Variants in NRG1 observed in about 807,000 individuals in gnomAD.
NRG1 encodes pro-neuregulin-1, membrane-bound isoform.
In NRG1, 18 loss-of-function variants were observed where a neutral mutation model predicts 63.8. That is an observed-to-expected ratio of 0.28 (90% confidence interval 0.19 to 0.42). The LOEUF (loss-of-function observed/expected upper bound fraction) is 0.42, where lower values mean the gene tolerates loss of function less well. Among genes scored for constraint, NRG1 ranks in the 10% least tolerant of loss-of-function variants. The probability of loss-of-function intolerance (pLI) is 1.00; values close to 1 mark genes in which losing one functional copy is unlikely to be tolerated. For synonymous variants in NRG1, 302 were observed against 301.3 expected, an observed-to-expected ratio of 1.00 and a Z score of -0.02; for missense variants, 762 against 814.7, an observed-to-expected ratio of 0.94 and a Z score of 0.79.
upstream of NRG1, among the ~76,000 whole-genome samples, chr8:32,544,140 G>A (rs1464422529): frequency 2.0e-5 from 3 of 152,098 alleles, no homozygotes; most frequent in African/African-American, 4.8e-5. Context: ...CAATTGTCAA[G>A]TACCATTGCT....
chr8:31,809,753 T>G (rs1159794422), intron 1 of NRG1, among the ~76,000 whole-genome samples: 1 of 149,170 alleles, frequency 6.7e-6, no homozygotes, highest in Non-Finnish European at 1.5e-5. Flanking sequence ...TTTTTTTTTT[T>G]TTTTTTTTTG....
chr8:32,522,467 T>C (rs1830431484), intron 1 of NRG1, among the ~76,000 whole-genome samples: 2 of 152,218 alleles, frequency 1.3e-5, no homozygotes, highest in Middle Eastern at 3.2e-3. Flanking sequence ...GCCTCACCTT[T>C]CTTCTTCCTG....
intron 1 of NRG1, among the ~76,000 whole-genome samples, chr8:32,329,596 C>T (rs570220640): frequency 4.6e-5 from 7 of 152,180 alleles, no homozygotes; most frequent in South Asian, 4.1e-4. Flanking sequence ...AGTCCTGGTT[C>T]GTCACTGCTG....
intron 1 of NRG1, among the ~76,000 whole-genome samples, chr8:31,845,544 G>C (rs1013347820): frequency 2.0e-5 from 3 of 152,118 alleles, no homozygotes; most frequent in African/African-American, 7.2e-5. Context: ...AGGTGAAAAT[G>C]CTCTTTTTGT....
At chr8:32,627,929 T>A (rs908319396) in intron 5 of NRG1, among the ~76,000 whole-genome samples, 13 of 152,198 alleles carry the variant, frequency 8.5e-5, no homozygotes, top group African/African-American at 3.1e-4. Flanking sequence ...AAAATAAAAT[T>A]CTGCATGACA....
At chr8:32,353,887 A>G (rs1805980621) in intron 1 of NRG1, among the ~76,000 whole-genome samples, 1 of 152,232 alleles carries the variant, frequency 6.6e-6, no homozygotes, top group Non-Finnish European at 1.5e-5. Flanking sequence ...TAACAGCTTT[A>G]TCTGTAACAG....
intron 1 of NRG1, among the ~76,000 whole-genome samples, chr8:31,852,324 C>T (rs1474221076): frequency 1.3e-5 from 2 of 149,920 alleles, no homozygotes; most frequent in Non-Finnish European, 3.0e-5. Flanking sequence ...GATGGTATCT[C>T]ATTGTGGTTT....
At chr8:31,720,501 T>G (rs1343326198) in intron 1 of NRG1, among the ~76,000 whole-genome samples, 1 of 152,170 alleles carries the variant, frequency 6.6e-6, no homozygotes, top group East Asian at 1.9e-4. Context: ...TGTGTGTTGT[T>G]TTGACAGACC....
intron 1 of NRG1, among the ~76,000 whole-genome samples, chr8:32,323,386 G>GA (rs1185891289): frequency 6.6e-6 from 1 of 151,902 alleles, no homozygotes; most frequent in Non-Finnish European, 1.5e-5. Context: ...GCTTCTTTTG[G>GA]AAAAAAATAA....
chr8:32,075,861 C>T (rs905726813), intron 1 of NRG1, among the ~76,000 whole-genome samples: 1 of 152,122 alleles, frequency 6.6e-6, no homozygotes, highest in African/African-American at 2.4e-5. Flanking sequence ...ATAGTAGAGA[C>T]GGGGTTTCGC....
chr8:32,430,265 T>G (rs1817958021), intron 1 of NRG1, among the ~76,000 whole-genome samples: 1 of 152,216 alleles, frequency 6.6e-6, no homozygotes, highest in Non-Finnish European at 1.5e-5. Context: ...CTGGATTCCT[T>G]AAATATAGAA....
chr8:32,236,783 T>C (rs1224725745), intron 1 of NRG1, among the ~76,000 whole-genome samples: 1 of 152,160 alleles, frequency 6.6e-6, no homozygotes, highest in African/African-American at 2.4e-5. Context: ...GGAATCACAG[T>C]TAACCTGAAG....
At chr8:32,102,809 G>A (rs1405706665) in intron 1 of NRG1, among the ~76,000 whole-genome samples, 2 of 152,034 alleles carry the variant, frequency 1.3e-5, no homozygotes, top group Admixed American at 1.3e-4. Context: ...ATTAGTGGGA[G>A]TAATAGCATT....
intron 1 of NRG1, among the ~76,000 whole-genome samples, chr8:32,355,331 C>T (rs1020436357): frequency 5.9e-5 from 9 of 151,980 alleles, no homozygotes; most frequent in African/African-American, 2.2e-4. Context: ...TGGTGGTGTG[C>T]ACCTGTAGTC....
In NRG1 at chr8:32,523,405, A is replaced by G. The variant is rs149565846; in HGVS notation, c.38-72423A>G. ...TAGGGAAAATATATTTTTCATAAAAACTAGGTTATTTATATTACTATTTAA... is the reference window on the plus strand; with the variant it reads ...TAGGGAAAATATATTTTTCATAAAAGCTAGGTTATTTATATTACTATTTAA... On this transcript the variant is annotated intron_variant, in intron 1 of 10. Transcript: ENST00000519301. Among the ~76,000 whole-genome samples, 202 of 152,306 alleles carry G rather than the reference A, an allele frequency of 1.3e-3. 2 individuals carry two copies. The highest frequency in any genetic ancestry group is 4.4e-3 in the African/African-American group (183 of 41,566).
chr8:32,260,064 A>G (rs1439413325), intron 1 of NRG1, among the ~76,000 whole-genome samples: 1 of 152,190 alleles, frequency 6.6e-6, no homozygotes, highest in South Asian at 2.1e-4. Context: ...AACTTGATAA[A>G]ATGAGTGATA....
chr8:32,054,223 G>C (rs1246882721), intron 1 of NRG1, among the ~76,000 whole-genome samples: 1 of 152,120 alleles, frequency 6.6e-6, no homozygotes, highest in African/African-American at 2.4e-5. Flanking sequence ...AACTCTCACG[G>C]CATAACTCTG....
At chr8:32,643,803 G>T (rs1852909453) in intron 5 of NRG1, among the ~76,000 whole-genome samples, 1 of 152,170 alleles carries the variant, frequency 6.6e-6, no homozygotes, top group Non-Finnish European at 1.5e-5. Context: ...AGGCAAAATT[G>T]TAGAAGTCTT....
chr8:32,277,784 C>T (rs950541081), intron 1 of NRG1, among the ~76,000 whole-genome samples: 4 of 152,152 alleles, frequency 2.6e-5, no homozygotes, highest in Admixed American at 1.3e-4. Context: ...AACAGAGGAT[C>T]GTTCATTCCA....
Sources: allele counts gnomAD v4.1 joint callset (sites outside exome capture counted in the v4.1 genomes callset), GRCh38; gene constraint gnomAD v4.1.1; transcripts MANE v1.5; gene names NCBI Gene and HGNC (gene_info 2026-07-23, HGNC 2026-07-21).